EXD2: variants seen among roughly 807,000 people sequenced by gnomAD.
The protein encoded by EXD2 is exonuclease 3'-5' domain-containing protein 2.
EXD2 carries 40 observed loss-of-function variants against 62.5 expected under a neutral mutation model. That is an observed-to-expected ratio of 0.64 (90% confidence interval 0.50 to 0.83). EXD2 has a LOEUF of 0.83. Among genes scored for constraint, EXD2 ranks in the 40% least tolerant of loss-of-function variants. The pLI is 0.00. For missense variants in EXD2, 671 were observed against 761.8 expected, an observed-to-expected ratio of 0.88 and a Z score of 1.40; for synonymous variants, 239 against 291.9, an observed-to-expected ratio of 0.82 and a Z score of 1.85.
chr14:69,195,945 A>G (rs1322068668), intron 1 of EXD2: 1 of 152,224 alleles, frequency 6.6e-6, no homozygotes, highest in African/African-American at 2.4e-5. Flanking sequence ...AAAACAACAG[A>G]GGTTTATTCT....
At chr14:69,201,828 G>A (rs767673773) in intron 1 of EXD2, among the ~76,000 whole-genome samples, 6 of 151,748 alleles carry the variant, frequency 4.0e-5, no homozygotes, top group Non-Finnish European at 7.4e-5. Context: ...GAGTGCAGGC[G>A]CACACCACCA....
intron 3 of EXD2, 59 bp downstream of exon 3, chr14:69,209,862 T>TG (rs1490597445): frequency 7.5e-7 from 1 of 1,324,964 alleles, no homozygotes; most frequent in African/African-American, 1.5e-5. Context: ...CTTTTCCAAC[T>TG]GGGACCTTGG....
chr14:69,195,006 C>G (rs768355754), intron 1 of EXD2, among the ~76,000 whole-genome samples: 2 of 152,224 alleles, frequency 1.3e-5, no homozygotes, highest in Middle Eastern at 3.4e-3. Flanking sequence ...ATCACCAGGT[C>G]AAGAGTTTGA....
chr14:69,225,709 T>C (rs1200626429), intron 3 of EXD2, among the ~76,000 whole-genome samples: 1 of 152,176 alleles, frequency 6.6e-6, no homozygotes, highest in East Asian at 1.9e-4. Flanking sequence ...GTTTCTTGTT[T>C]CCCATGAGTA....
Position 69,234,683 on chromosome 14 carries a change from C to CT in EXD2, c.718-16dup. 6.3e-7 allele frequency: 1 copy of CT among 1,592,554 alleles called. No individual in the cohort carries two copies. Among genetic ancestry groups the CT allele is most frequent in the Non-Finnish European group, 8.5e-7 (1 of 1,170,322 alleles). ...TTTGCCTTCCAGATTCCACTGATCT[C>CT]TGACTTTTCTCTTCAGGTAATTTAT... On this transcript the variant is annotated splice_polypyrimidine_tract_variant and intron_variant, in intron 5 of 9. Coordinates refer to ENST00000685843, the MANE Select transcript of EXD2 (RefSeq NM_001193360.2).
chr14:69,223,216 T>C (rs537370587), intron 3 of EXD2, among the ~76,000 whole-genome samples: 40 of 152,334 alleles, frequency 2.6e-4, no homozygotes, highest in Non-Finnish European at 4.4e-4. Context: ...TTAAATACCA[T>C]TGATATGGTG....
intron 3 of EXD2, 60 bp from the exon 4 acceptor site, chr14:69,228,756 T>A: frequency 6.4e-7 from 1 of 1,551,796 alleles, no homozygotes; most frequent in South Asian, 1.2e-5. Flanking sequence ...GTCACAGTTA[T>A]ATGTTATGCT....
At chr14:69,203,047 G>A (rs1029495270) in intron 1 of EXD2, among the ~76,000 whole-genome samples, 1 of 151,990 alleles carries the variant, frequency 6.6e-6, no homozygotes, top group African/African-American at 2.4e-5. Flanking sequence ...CAGTTAGACC[G>A]TGTCTCAAGT....
intron 1 of EXD2, among the ~76,000 whole-genome samples, chr14:69,195,736 C>G (rs1009397706): frequency 6.6e-6 from 1 of 152,132 alleles, no homozygotes; most frequent in Non-Finnish European, 1.5e-5. Flanking sequence ...CTTTCGAGAT[C>G]TGGGTGTTTT....
chr14:69,230,980 T>A (rs1023989853), intron 5 of EXD2, among the ~76,000 whole-genome samples: 3 of 152,310 alleles, frequency 2.0e-5, no homozygotes, highest in South Asian at 4.1e-4. Context: ...AGATGGGGTT[T>A]CACCACGTTG....
intron 3 of EXD2, among the ~76,000 whole-genome samples, chr14:69,219,221 C>T (rs1315580097): frequency 2.6e-5 from 4 of 152,184 alleles, no homozygotes; most frequent in Admixed American, 1.3e-4. Flanking sequence ...AGAGGTCCTT[C>T]ACATCCCTTG....
intron 9 of EXD2, 108 bp downstream of exon 9, chr14:69,238,039 C>A: frequency 1.1e-6 from 1 of 943,356 alleles, no homozygotes. Context: ...AGTGCCTAGC[C>A]TCATGCTTCA....
chr14:69,237,914 T>G lies in EXD2; in HGVS notation c.1632T>G (p.Ala544=), dbSNP rs767269833. 3.2e-6 allele frequency: 5 copies of G among 1,564,240 alleles called. No homozygotes were observed. The highest frequency in any genetic ancestry group is 1.9e-5 in the Admixed American group (1 of 51,784). ...DVVTEEMLQE[A]ASLETRISNE... ...TCACAGAGGAGATGCTTCAAGAGGC[T>G]GCCAGCCTGGAGACCAGGTACAAAG... Residue 544 remains alanine (A), a synonymous_variant, in exon 9 of 10, where the codon GCT becomes GCG. Coordinates refer to ENST00000685843, the MANE Select transcript of EXD2 (RefSeq NM_001193360.2).
rs746258479 is a variant in EXD2, at chr14:69,234,967, A to G, written c.985A>G (p.Asn329Asp). Reference protein sequence around the residue: ...KSKMDGMVPGNHQGRDPRKHK... With the variant: ...KSKMDGMVPGDHQGRDPRKHK... ...TAAGATGGATGGGATGGTGCCAGGC[A>G]ACCACCAAGGGAGAGACCCCAGAAA... The change falls in exon 6 of 10, where the codon AAC becomes GAC. Residue 329 changes from asparagine to aspartate, a missense_variant. Coordinates refer to ENST00000685843, the MANE Select transcript of EXD2 (RefSeq NM_001193360.2). The G allele has an allele frequency of 6.2e-7, 1 of 1,613,388 alleles. No individual in the cohort carries two copies. Among genetic ancestry groups the G allele is most frequent in the Non-Finnish European group, 8.5e-7 (1 of 1,179,708 alleles).
chr14:69,211,643 A>G (rs1428324758), intron 3 of EXD2, among the ~76,000 whole-genome samples: 1 of 151,958 alleles, frequency 6.6e-6, no homozygotes, highest in Non-Finnish European at 1.5e-5. Flanking sequence ...TCAAGAAAGG[A>G]TCAGTGATTT....
At chr14:69,207,543 A>G (rs1435767251) in intron 2 of EXD2, among the ~76,000 whole-genome samples, 7 of 152,170 alleles carry the variant, frequency 4.6e-5, no homozygotes, top group Non-Finnish European at 1.5e-5. Flanking sequence ...TAGTAATAAA[A>G]ACCATACACA....
intron 3 of EXD2, among the ~76,000 whole-genome samples, chr14:69,226,044 A>C (rs1447825247): frequency 6.6e-6 from 1 of 152,230 alleles, no homozygotes; most frequent in African/African-American, 2.4e-5. Flanking sequence ...AAGGAAATTA[A>C]TGTATGGTAG....
At chr14:69,208,500 G>A (rs1266733861) in intron 2 of EXD2, among the ~76,000 whole-genome samples, 1 of 152,062 alleles carries the variant, frequency 6.6e-6, no homozygotes, top group East Asian at 1.9e-4. Flanking sequence ...ATGAGCCACC[G>A]CGCCCGGCCC....
intron 1 of EXD2, among the ~76,000 whole-genome samples, chr14:69,194,565 T>C (rs2042136613): frequency 6.6e-6 from 1 of 152,308 alleles, no homozygotes; most frequent in South Asian, 2.1e-4. Context: ...CAGGCTGGTC[T>C]CAAACTCCTG....
Sources: allele counts gnomAD v4.1 joint callset (sites outside exome capture counted in the v4.1 genomes callset), GRCh38; gene constraint gnomAD v4.1.1; transcripts MANE v1.5; gene names NCBI Gene and HGNC (gene_info 2026-07-23, HGNC 2026-07-21).